Variants in PCDH9 observed in about 807,000 individuals in gnomAD.
The protein encoded by PCDH9 is protocadherin-9.
Under a neutral mutation model 70.6 loss-of-function variants are expected in PCDH9, and 24 were observed. The observed-to-expected ratio is 0.34, with a 90% CI of 0.25 to 0.48. PCDH9 has a LOEUF of 0.48. Ranked by LOEUF, PCDH9 falls within the 20% of genes least tolerant of loss-of-function variation. PCDH9 has a pLI of 0.99. For synonymous variants in PCDH9, 562 were observed against 558.5 expected (o/e 1.01, Z -0.09); for missense variants, 1,281 against 1,503.6 (o/e 0.85, Z 2.45).
intron 4 of PCDH9, among the ~76,000 whole-genome samples, chr13:66,500,015 A>C (rs1308837177): frequency 1.3e-5 from 2 of 152,234 alleles, no homozygotes; most frequent in Non-Finnish European, 2.9e-5. Flanking sequence ...CAGCCTGCAG[A>C]AACTGAGCCA....
intron 2 of PCDH9, among the ~76,000 whole-genome samples, chr13:67,024,406 A>G (rs1302961858): frequency 6.6e-6 from 1 of 152,056 alleles, no homozygotes; most frequent in African/African-American, 2.4e-5. Context: ...AGTTGTTAAT[A>G]CCTTTTATGT....
intron 2 of PCDH9, among the ~76,000 whole-genome samples, chr13:66,987,839 A>G (rs2083925359): frequency 6.6e-6 from 1 of 152,012 alleles, no homozygotes; most frequent in Admixed American, 6.6e-5. Context: ...GTTCTCCTTG[A>G]CACCATAAAT....
chr13:66,985,327 ACATT>A (rs1345152023), intron 2 of PCDH9, among the ~76,000 whole-genome samples: 1 of 152,140 alleles, frequency 6.6e-6, no homozygotes, highest in East Asian at 1.9e-4. Context: ...CCTGTAAGCT[ACATT>A]ATTATTAAAA....
At chr13:67,027,931 G>C (rs1250746281) in intron 2 of PCDH9, among the ~76,000 whole-genome samples, 1 of 151,356 alleles carries the variant, frequency 6.6e-6, no homozygotes, top group African/African-American at 2.4e-5. Flanking sequence ...AGTTGCTGGA[G>C]AGGATGTGGA....
At chr13:67,175,371 A>T (rs2088422113) in intron 2 of PCDH9, among the ~76,000 whole-genome samples, 1 of 152,210 alleles carries the variant, frequency 6.6e-6, no homozygotes, top group Admixed American at 6.5e-5. Context: ...GAAAGTAATT[A>T]TAAACTTCTT....
intron 4 of PCDH9, among the ~76,000 whole-genome samples, chr13:66,362,978 C>T (rs954763717): frequency 3.3e-5 from 5 of 152,090 alleles, no homozygotes; most frequent in East Asian, 1.9e-4. Flanking sequence ...GTCAGGTGTT[C>T]GAAACCAGCC....
chr13:66,568,618 G>A (rs1476812871), intron 4 of PCDH9, among the ~76,000 whole-genome samples: 1 of 144,950 alleles, frequency 6.9e-6, no homozygotes, highest in Non-Finnish European at 1.5e-5. Context: ...GCTGCAGTGA[G>A]CTATGATCAT....
chr13:67,040,698 T>C (rs890337457), intron 2 of PCDH9, among the ~76,000 whole-genome samples: 5 of 152,064 alleles, frequency 3.3e-5, no homozygotes, highest in African/African-American at 9.7e-5. Flanking sequence ...AAAAAATATA[T>C]ATTGAAATAC....
chr13:66,975,026 A>C (rs1467897266), intron 2 of PCDH9, among the ~76,000 whole-genome samples: 2 of 152,048 alleles, frequency 1.3e-5, no homozygotes, highest in African/African-American at 4.8e-5. Context: ...TATTTTGAGA[A>C]TATTAATCAT....
chr13:66,895,175 T>A (rs893831220), intron 3 of PCDH9, among the ~76,000 whole-genome samples: 31 of 152,216 alleles, frequency 2.0e-4, no homozygotes, highest in African/African-American at 7.5e-4. Context: ...AGGTATTTTA[T>A]AATACGAACT....
intron 3 of PCDH9, among the ~76,000 whole-genome samples, chr13:66,746,370 T>C (rs147263648): frequency 7.5e-4 from 114 of 152,338 alleles, no homozygotes; most frequent in African/African-American, 2.6e-3. Flanking sequence ...ATATTTTTAA[T>C]GTATGTAAAT....
chr13:66,911,003 C>T (rs1320279893), intron 2 of PCDH9, among the ~76,000 whole-genome samples: 2 of 152,114 alleles, frequency 1.3e-5, no homozygotes, highest in East Asian at 3.9e-4. Flanking sequence ...GTTATATTCC[C>T]AAAATAAATA....
At chr13:66,457,001 C>A (rs1958329986) in intron 4 of PCDH9, among the ~76,000 whole-genome samples, 1 of 151,990 alleles carries the variant, frequency 6.6e-6, no homozygotes, top group Non-Finnish European at 1.5e-5. Context: ...TAATTACTAT[C>A]CTGAATTTAG....
chr13:66,306,688 A>G (rs1024743402), intron 4 of PCDH9, among the ~76,000 whole-genome samples: 18 of 151,944 alleles, frequency 1.2e-4, no homozygotes, highest in African/African-American at 4.1e-4. Flanking sequence ...CATCTGAACC[A>G]TATTCCCATC....
chr13:66,638,737 T>C (rs2077672314), intron 3 of PCDH9, among the ~76,000 whole-genome samples: 1 of 152,232 alleles, frequency 6.6e-6, no homozygotes, highest in African/African-American at 2.4e-5. Flanking sequence ...AATTAACGTA[T>C]GAAATCTAAA....
At chr13:67,228,944 A>C (rs1050929827) in intron 1 of PCDH9, among the ~76,000 whole-genome samples, 10 of 152,100 alleles carry the variant, frequency 6.6e-5, no homozygotes, top group Non-Finnish European at 1.2e-4. Context: ...CAAGTGAAAA[A>C]CACTAAGTAT....
intron 2 of PCDH9, among the ~76,000 whole-genome samples, chr13:67,023,828 T>A (rs1384747401): frequency 6.6e-6 from 1 of 152,056 alleles, no homozygotes; most frequent in African/African-American, 2.4e-5. Context: ...CTGAAAAGAA[T>A]AAAACTTAAA....
chr13:66,807,793 T>C (rs920235180), intron 3 of PCDH9, among the ~76,000 whole-genome samples: 10 of 152,250 alleles, frequency 6.6e-5, no homozygotes, highest in Admixed American at 4.6e-4. Flanking sequence ...ATGTCTTAAT[T>C]GATAAATATT....
chr13:67,209,380 T>G (rs1789690207), intron 2 of PCDH9: 1 of 152,170 alleles, frequency 6.6e-6, no homozygotes, highest in Admixed American at 6.5e-5. Flanking sequence ...GACTGCTTAA[T>G]ATGATTAAAA....
Sources: gnomAD v4.1 joint callset for allele counts (sites outside exome capture counted in the v4.1 genomes callset) on GRCh38, gnomAD v4.1.1 for gene constraint, MANE v1.5 for transcripts, NCBI Gene and HGNC (gene_info 2026-07-23, HGNC 2026-07-21) for gene names.